CORO2B: variants seen among roughly 807,000 people sequenced by gnomAD.
CORO2B encodes coronin 2B, also known as coronin-2B.
Under a neutral mutation model 58.8 loss-of-function variants are expected in CORO2B, and 26 were observed. That is an observed-to-expected ratio of 0.44 (90% CI 0.32 to 0.61). The LOEUF is 0.61. Ranked by LOEUF, CORO2B falls within the 20% of genes least tolerant of loss-of-function variation. CORO2B has a pLI of 0.04. For synonymous variants in CORO2B, 242 were observed against 253.8 expected, an observed-to-expected ratio of 0.95 and a Z score of 0.44; for missense variants, 460 against 645.1, an observed-to-expected ratio of 0.71 and a Z score of 3.11.
At chr15:68,576,758 CT>C (rs1481052242), upstream of CORO2B, among the ~76,000 whole-genome samples, 1 of 151,756 alleles carries the variant, frequency 6.6e-6, no homozygotes, top group Non-Finnish European at 1.5e-5. Context: ...GTGGGAAATG[CT>C]TTCATGGGCC....
chr15:68,562,205 C>T, the CORO2B span, among the ~76,000 whole-genome samples: 2 of 152,184 alleles, frequency 1.3e-5, no homozygotes, highest in African/African-American at 4.8e-5. Flanking sequence ...GGGTGCTGAG[C>T]ACTGGGTTGA....
chr15:68,676,144 T>C (rs1215455569), intron 2 of CORO2B, among the ~76,000 whole-genome samples: 2 of 152,216 alleles, frequency 1.3e-5, no homozygotes, highest in African/African-American at 4.8e-5. Flanking sequence ...TGTGTTTGTG[T>C]GTGCAAGGGC....
At chr15:68,644,842 A>G (rs1342346041) in intron 1 of CORO2B, among the ~76,000 whole-genome samples, 4 of 152,186 alleles carry the variant, frequency 2.6e-5, no homozygotes, top group East Asian at 3.9e-4. Context: ...GCTCTATCAC[A>G]TGATAGGTTC....
chr15:68,650,287 G>A (rs1472476097), intron 2 of CORO2B, among the ~76,000 whole-genome samples: 1 of 144,196 alleles, frequency 6.9e-6, no homozygotes, highest in Non-Finnish European at 1.5e-5. Flanking sequence ...AGAATTGGAG[G>A]CGGAGGTTGC....
Position 68,719,179 on chromosome 15 carries a change from A to C in CORO2B, c.1116A>C (p.Thr372=). 6.2e-7 allele frequency: 1 copy of C among 1,614,116 alleles called. No individual in the cohort carries two copies. The highest frequency in any genetic ancestry group is 8.5e-7 in the Non-Finnish European group (1 of 1,180,020). ...DSYQEDIYPM[T]PGTEPALTPD... is the part of the protein sequence containing the mutation. ...ACCAGGAAGACATTTACCCAATGAC[A>C]CCAGGCACGGAGCCAGCACTGACCC... Residue 372 remains threonine, a synonymous_variant, in exon 10 of 12, where the codon ACA becomes ACC. Coordinates refer to ENST00000261861, the MANE Select transcript of CORO2B (RefSeq NM_006091.5).
chr15:68,704,029 TACACACACATACAC>T (rs1192749398), intron 3 of CORO2B, among the ~76,000 whole-genome samples: 9 of 99,466 alleles, frequency 9.0e-5, no homozygotes, highest in African/African-American at 3.5e-4. Flanking sequence ...ACCCTTTCTC[TACACACACATACAC>T]ACACACACAC....
chr15:68,666,873 C>T (rs376964613), intron 2 of CORO2B, among the ~76,000 whole-genome samples: 4 of 152,284 alleles, frequency 2.6e-5, no homozygotes, highest in African/African-American at 9.6e-5. Flanking sequence ...GCGAGATCAG[C>T]GTGTTCAGGG....
chr15:68,695,472 G>A (rs747161660), intron 3 of CORO2B, among the ~76,000 whole-genome samples: 21 of 152,226 alleles, frequency 1.4e-4, no homozygotes, highest in Non-Finnish European at 2.9e-4. Flanking sequence ...TGTTTTCAGT[G>A]TGATTGAGCT....
chr15:68,585,609 T>C (rs1373330349), intron 1 of CORO2B, among the ~76,000 whole-genome samples: 1 of 152,144 alleles, frequency 6.6e-6, no homozygotes, highest in Admixed American at 6.5e-5. Context: ...CCTTTGGTCC[T>C]GGGGCATGAT....
intron 1 of CORO2B, among the ~76,000 whole-genome samples, chr15:68,599,499 G>A (rs968017689): frequency 5.3e-5 from 8 of 152,186 alleles, no homozygotes; most frequent in Non-Finnish European, 1.2e-4. Flanking sequence ...AGATGCATTC[G>A]TTGGCAAATT....
rs192773183 is a variant in CORO2B, at chr15:68,668,615, C to T, written c.216+23255C>T. Among the ~76,000 whole-genome samples the T allele has an allele frequency of 3.4e-3, 518 of 152,276 alleles. 3 individuals carry two copies. The highest frequency in any genetic ancestry group is 5.9e-3 in the Non-Finnish European group (404 of 68,024). ...TGCTGAGGCCCAGGGCGGGGAGCCC[C>T]AGGGTGGGAAGCCAATGGTAGTCAG... On this transcript the variant is annotated intron_variant, in intron 2 of 11. Transcript: ENST00000261861.
chr15:68,571,595 A>G, the CORO2B span, among the ~76,000 whole-genome samples: 10 of 152,240 alleles, frequency 6.6e-5, no homozygotes, highest in Non-Finnish European at 1.3e-4. Context: ...TCATCAATAC[A>G]TCATAATACC....
the CORO2B span, among the ~76,000 whole-genome samples, chr15:68,555,493 AG>A: frequency 6.6e-6 from 1 of 152,098 alleles, no homozygotes; most frequent in Non-Finnish European, 1.5e-5. Context: ...GGGGCTGGGC[AG>A]GGGGGAGAGA....
At chr15:68,562,551 C>T in the CORO2B span, among the ~76,000 whole-genome samples, 4 of 152,024 alleles carry the variant, frequency 2.6e-5, no homozygotes, top group Non-Finnish European at 4.4e-5. Flanking sequence ...ATTTTTAGTA[C>T]AAAGGAACCC....
In CORO2B at chr15:68,711,032, G is replaced by A. The variant is rs80140648; in HGVS notation, c.483+151G>A. On this transcript the variant is annotated intron_variant, in intron 4 of 11. Coordinates refer to ENST00000261861, the MANE Select transcript of CORO2B (RefSeq NM_006091.5). The stretch of plus-strand genomic sequence containing the variant: ...TCATTCATTCATTCATTCGCTACAC[G>A]CAACTGAGCAACTCCTGTGCACCCT... 2.3e-3 allele frequency: 2,014 copies of A among 881,988 alleles called. 31 individuals are homozygous for A. In the African/African-American group the frequency reaches 0.032, roughly 14 times the overall value. 54.6% of individuals were successfully genotyped at this position (881,988 alleles called of 1,614,324 possible). A position where few individuals can be genotyped will look rare whatever the true frequency, so the allele number is the denominator to read the frequency against.
the CORO2B span, among the ~76,000 whole-genome samples, chr15:68,558,538 A>G: frequency 1.3e-5 from 2 of 151,992 alleles, no homozygotes; most frequent in Non-Finnish European, 2.9e-5. Flanking sequence ...CCATTCCCCC[A>G]GGTAACTTAT....
chr15:68,571,593 A>C, the CORO2B span, among the ~76,000 whole-genome samples: 1 of 152,250 alleles, frequency 6.6e-6, no homozygotes, highest in Non-Finnish European at 1.5e-5. Flanking sequence ...CTTCATCAAT[A>C]CATCATAATA....
intron 2 of CORO2B, among the ~76,000 whole-genome samples, chr15:68,662,874 T>C (rs1902059052): frequency 6.6e-6 from 1 of 152,250 alleles, no homozygotes; most frequent in South Asian, 2.1e-4. Context: ...CAGTAAATGA[T>C]AAGACAGACT....
intron 2 of CORO2B, among the ~76,000 whole-genome samples, chr15:68,668,255 C>G (rs1363581364): frequency 6.6e-6 from 1 of 151,634 alleles, no homozygotes; most frequent in African/African-American, 2.4e-5. Flanking sequence ...ACACTTGCAA[C>G]CTGCAGGCAT....
Sources: gnomAD v4.1 joint callset for allele counts (sites outside exome capture counted in the v4.1 genomes callset) on GRCh38, gnomAD v4.1.1 for gene constraint, MANE v1.5 for transcripts, NCBI Gene and HGNC (gene_info 2026-07-23, HGNC 2026-07-21) for gene names.